ZNF568: variants seen among roughly 807,000 people sequenced by gnomAD.
ZNF568 encodes p53 inhibitor of SCO2 activation.
ZNF568 carries 11 observed loss-of-function variants against 18.1 expected under a neutral mutation model. The ratio of observed to expected loss-of-function variants is 0.61; its 90% CI spans 0.38 to 1.00. ZNF568 has a LOEUF of 1.00. Ranked by LOEUF, ZNF568 falls within the 50% of genes least tolerant of loss-of-function variation. The pLI is 0.01. For synonymous variants in ZNF568, 213 were observed against 246.6 expected (o/e 0.86, Z 1.28); for missense variants, 639 against 768.2 (o/e 0.83, Z 1.99).
In ZNF568 at chr19:36,951,991, A is replaced by G. The variant is rs1221703694; in HGVS notation, c.*903A>G. The stretch of plus-strand genomic sequence containing the variant: ...ATTTGAAAAGCCAAACTGTGAAACC[A>G]TTGGGAGAAAATAGATGATATTGTC... On this transcript the variant is annotated 3_prime_UTR_variant, in exon 7 of 7. Coordinates refer to ENST00000333987, the MANE Select transcript of ZNF568 (RefSeq NM_198539.4). 3 of 978,008 alleles carry G rather than the reference A, an allele frequency of 3.1e-6. No individual in the cohort carries two copies. The African/African-American group carries it at 5.4e-5, about 18-fold the overall frequency. The allele number at this position is 978,008 out of a possible 1,614,324, so 60.6% of individuals were successfully genotyped here.
At chr19:36,941,716 G>A (rs2073881816) in intron 6 of ZNF568, among the ~76,000 whole-genome samples, 1 of 152,028 alleles carries the variant, frequency 6.6e-6, no homozygotes, top group Non-Finnish European at 1.5e-5. Flanking sequence ...ATGAGAACTT[G>A]GGTTATCATT....
At chr19:36,964,570 T>C (rs2074179939) in intron 6 of ZNF568, among the ~76,000 whole-genome samples, 1 of 152,168 alleles carries the variant, frequency 6.6e-6, no homozygotes. Flanking sequence ...CCTCGCACTT[T>C]GGGAAGCCAG....
intron 2 of ZNF568, among the ~76,000 whole-genome samples, chr19:36,989,211 C>T (rs1209685781): frequency 1.3e-5 from 2 of 152,220 alleles, no homozygotes; most frequent in African/African-American, 4.8e-5. Context: ...GAGACAGAGT[C>T]TCCCTCTGTT....
intron 7 of ZNF568, chr19:36,974,601 A>T: frequency 2.2e-6 from 2 of 894,704 alleles, no homozygotes; most frequent in Non-Finnish European, 1.7e-6. Flanking sequence ...GCATTTATGT[A>T]GCATTTTCCT....
rs2146312867 is a variant in ZNF568 at position 36,950,783 on chromosome 19, A to C, written c.1630A>C (p.Asn544His). The C allele has an allele frequency of 6.2e-7, 1 of 1,613,588 alleles. No individual in the cohort carries two copies. The highest frequency in any genetic ancestry group is 1.1e-5 in the South Asian group (1 of 91,074). The change falls in exon 7 of 7, where the codon AAT becomes CAT. Residue 544 changes from asparagine (N) to histidine (H), a missense_variant. Physicochemically the swap from Asn to His is moderately conservative, Grantham distance 68 (BLOSUM62 1). Coordinates refer to ENST00000333987, the MANE Select transcript of ZNF568 (RefSeq NM_198539.4). Reference protein sequence around the residue: ...QCGKAFSQRQNLLEHEKIHTG... With the variant: ...QCGKAFSQRQHLLEHEKIHTG... ...TGGGAAAGCTTTCAGTCAGAGACAA[A>C]ATCTTCTTGAGCATGAAAAAATTCA...
At chr19:36,991,905 T>C in intron 4 of ZNF568, 2 of 1,392,096 alleles carry the variant, frequency 1.4e-6, no homozygotes, top group Middle Eastern at 1.8e-4. Flanking sequence ...AGCTCATCTG[T>C]GAGAAGGCAG....
intron 6 of ZNF568, among the ~76,000 whole-genome samples, chr19:36,944,943 T>A (rs79011363): frequency 6.6e-6 from 1 of 152,178 alleles, no homozygotes; most frequent in Non-Finnish European, 1.5e-5. Context: ...TAATTTTCTA[T>A]GTGATTATGA....
chr19:36,972,205 G>C (rs963559189), intron 6 of ZNF568, among the ~76,000 whole-genome samples: 13 of 152,000 alleles, frequency 8.6e-5, no homozygotes, highest in Non-Finnish European at 1.2e-4. Context: ...TAACACAAAA[G>C]TGCTTTTATT....
Position 36,950,001 on chromosome 19 carries a change from G to A in ZNF568, c.848G>A (p.Cys283Tyr), listed in dbSNP as rs753566957. ...GAAAAACCGTATAAGTGTAATGAATGTGGAAAAGCTTTCATTCAGATGTCA... is the reference window on the plus strand; with the variant it reads ...GAAAAACCGTATAAGTGTAATGAATATGGAAAAGCTTTCATTCAGATGTCA... ...TGEKPYKCNE[C>Y]GKAFIQMSNL... The change falls in exon 7 of 7, where the codon TGT becomes TAT. Residue 283 changes from cysteine to tyrosine, a missense_variant. Cys to Tyr is a radical substitution (Grantham distance 194, BLOSUM62 -2). Transcript: ENST00000333987. 16 of 1,613,816 alleles carry A rather than the reference G, an allele frequency of 9.9e-6. No homozygotes were observed. The highest frequency in any genetic ancestry group is 1.3e-5 in the Non-Finnish European group (15 of 1,179,956).
At chr19:36,987,363 G>A (rs1324482820) in intron 2 of ZNF568, among the ~76,000 whole-genome samples, 1 of 152,170 alleles carries the variant, frequency 6.6e-6, no homozygotes, top group African/African-American at 2.4e-5. Context: ...GCTCAGTGCT[G>A]GTCATTCTGG....
chr19:36,935,813 G>GT (rs976181612), intron 4 of ZNF568, among the ~76,000 whole-genome samples: 4 of 152,058 alleles, frequency 2.6e-5, no homozygotes, highest in African/African-American at 9.7e-5. Context: ...CGCATGCTGT[G>GT]TTTTTTCCAT....
downstream of ZNF568, chr19:36,980,067 A>G (rs940763326): frequency 2.9e-4 from 43 of 150,464 alleles, no homozygotes; most frequent in African/African-American, 1.1e-3. Flanking sequence ...TTTTCTATTG[A>G]TTTTTATATT....
intron 7 of ZNF568, chr19:36,976,250 G>A (rs1404768992): frequency 2.6e-5 from 4 of 151,630 alleles, no homozygotes; most frequent in African/African-American, 7.3e-5. Flanking sequence ...TTTCAGAGTG[G>A]GTTCATACTA....
At chr19:36,930,475 C>A (rs943396343) in intron 4 of ZNF568, among the ~76,000 whole-genome samples, 1 of 152,144 alleles carries the variant, frequency 6.6e-6, no homozygotes, top group African/African-American at 2.4e-5. Context: ...TCCCAAAGTG[C>A]TGGGATTACA....
At chr19:36,924,152 A>G (rs923445623) in intron 3 of ZNF568, among the ~76,000 whole-genome samples, 1 of 152,058 alleles carries the variant, frequency 6.6e-6, no homozygotes, top group Admixed American at 6.6e-5. Context: ...ACATGACTGT[A>G]TTGCATCCTA....
rs1372008639 is a variant in ZNF568, at chr19:36,922,707, A to G, written c.-64A>G. ...CTTAGAGGCTGGAGAGTCCTGAAAG[A>G]GAGTGGACCCTGGAGTTGCTGGAGC... On this transcript the variant is annotated 5_prime_UTR_variant, in exon 3 of 7. Coordinates refer to ENST00000333987, the MANE Select transcript of ZNF568 (RefSeq NM_198539.4). The G allele has an allele frequency of 6.8e-7, 1 of 1,460,774 alleles. No homozygotes were observed. Among genetic ancestry groups the G allele is most frequent in the Non-Finnish European group, 9.6e-7 (1 of 1,045,592 alleles). The allele number at this position is 1,460,774 out of a possible 1,614,324, so 90.5% of individuals were successfully genotyped here.
Position 36,942,615 on chromosome 19 carries a change from AAAG to A in ZNF568, c.358+5379_358+5381del, listed in dbSNP as rs61138704. 2.2e-3 allele frequency among the ~76,000 whole-genome samples: 321 copies of A among 149,144 alleles called. 6 individuals are homozygous for A. The highest frequency in any genetic ancestry group is 7.0e-3 in the African/African-American group (283 of 40,394). The stretch of plus-strand genomic sequence containing the variant: ...CTCCGTCTCAAAAAAAAAAAAAAAA[AAAG>A]AAGAATAGAGAGATAATATAAGGAA... On this transcript the variant is annotated intron_variant, in intron 6 of 6. Transcript: ENST00000333987.
intron 6 of ZNF568, among the ~76,000 whole-genome samples, chr19:36,972,798 GCA>G (rs895971285): frequency 6.6e-6 from 1 of 152,190 alleles, no homozygotes. Context: ...AGGCCTTTGG[GCA>G]CACACACAAA....
chr19:36,973,305 G>C (rs2074252050), intron 6 of ZNF568: 1 of 152,770 alleles, frequency 6.5e-6, no homozygotes, highest in African/African-American at 2.4e-5. Flanking sequence ...ACGCCGAAGG[G>C]GGCGGTGAGG....
Sources: allele counts gnomAD v4.1 joint callset (sites outside exome capture counted in the v4.1 genomes callset), GRCh38; gene constraint gnomAD v4.1.1; transcripts MANE v1.5; gene names NCBI Gene and HGNC (gene_info 2026-07-23, HGNC 2026-07-21).